ANKRD12: variants seen among roughly 807,000 people sequenced by gnomAD.
The protein encoded by ANKRD12 is ankyrin repeat domain-containing protein 12.
Under a neutral mutation model 183.4 loss-of-function variants are expected in ANKRD12, and 85 were observed. The observed-to-expected ratio is 0.46, with a 90% CI of 0.39 to 0.56. ANKRD12 has a LOEUF of 0.56. Ranked by LOEUF, ANKRD12 falls within the 20% of genes least tolerant of loss-of-function variation. The pLI, the probability that ANKRD12 is intolerant of heterozygous loss-of-function variation, is 0.00. For synonymous variants in ANKRD12, 914 were observed against 800.2 expected, an observed-to-expected ratio of 1.14 and a Z score of -2.40; for missense variants, 2,405 against 2,357.1, an observed-to-expected ratio of 1.02 and a Z score of -0.42.
intron 3 of ANKRD12, among the ~76,000 whole-genome samples, chr18:9,204,040 G>A (rs1027256327): frequency 6.6e-6 from 1 of 152,250 alleles, no homozygotes; most frequent in African/African-American, 2.4e-5. Flanking sequence ...CTGTGGTGTA[G>A]GATGATGTTG....
intron 5 of ANKRD12, 116 bp downstream of exon 5, chr18:9,208,919 CAG>C: frequency 9.6e-7 from 1 of 1,042,308 alleles, no homozygotes; most frequent in East Asian, 2.7e-5. Flanking sequence ...TGGATTTAAT[CAG>C]AATTACTTGT....
Position 9,255,197 on chromosome 18 carries a change from G to A in ANKRD12, c.1930G>A (p.Asp644Asn). 3 of 1,577,828 alleles carry A rather than the reference G, an allele frequency of 1.9e-6. No homozygotes were observed. Among genetic ancestry groups the A allele is most frequent in the Non-Finnish European group, 2.6e-6 (3 of 1,167,794 alleles). ...ENSDCTLKKM[D>N]KEGKTLKKHK... ...TTCAGATTGCACACTGAAAAAAATG[G>A]ATAAAGAAGGTAAAACATTAAAAAA... Residue 644 changes from aspartate (D) to asparagine (N), a missense_variant, in exon 9 of 13, where the codon GAT becomes AAT. Physicochemically the swap from Asp to Asn is conservative, Grantham distance 23. Coordinates refer to ENST00000262126, the MANE Select transcript of ANKRD12 (RefSeq NM_015208.5).
intron 1 of ANKRD12, among the ~76,000 whole-genome samples, chr18:9,175,217 C>T (rs1193905793): frequency 6.6e-6 from 1 of 152,108 alleles, no homozygotes; most frequent in African/African-American, 2.4e-5. Context: ...AATAGACTTT[C>T]TGTAGTTGGA....
chr18:9,231,030 G>A (rs1399658773), intron 8 of ANKRD12, among the ~76,000 whole-genome samples: 1 of 152,046 alleles, frequency 6.6e-6, no homozygotes, highest in African/African-American at 2.4e-5. Context: ...TGATCTAGTG[G>A]TCGTTCATGA....
intron 8 of ANKRD12, among the ~76,000 whole-genome samples, chr18:9,251,301 C>T (rs543784796): frequency 6.6e-5 from 10 of 152,130 alleles, no homozygotes; most frequent in Non-Finnish European, 1.5e-4. Context: ...GGATACCATA[C>T]AAGAAAAGAT....
At chr18:9,242,001 A>C (rs930259455) in intron 8 of ANKRD12, among the ~76,000 whole-genome samples, 17 of 151,988 alleles carry the variant, frequency 1.1e-4, no homozygotes, top group Admixed American at 9.2e-4. Context: ...CACTTTTAGC[A>C]GTGTCTATAA....
In ANKRD12 at chr18:9,258,668, T is replaced by G. The variant is rs2038787768; in HGVS notation, c.5401T>G (p.Ser1801Ala). ...RVPQPVQVSP[S>A]LLQAKEKTQQ... ...ACCTCAGCCTGTGCAAGTGAGTCCCTCTTTACTACAAGCAAAAGAGAAAAC... is the reference window on the plus strand; with the variant it reads ...ACCTCAGCCTGTGCAAGTGAGTCCCGCTTTACTACAAGCAAAAGAGAAAAC... The change falls in exon 9 of 13, where the codon TCT becomes GCT. Residue 1801 changes from serine to alanine, a missense_variant. Coordinates refer to ENST00000262126, the MANE Select transcript of ANKRD12 (RefSeq NM_015208.5). 6.2e-7 allele frequency: 1 copy of G among 1,613,822 alleles called. No individual in the cohort carries two copies. Among genetic ancestry groups the G allele is most frequent in the Non-Finnish European group, 8.5e-7 (1 of 1,179,908 alleles).
intron 11 of ANKRD12, among the ~76,000 whole-genome samples, chr18:9,276,289 GT>G (rs1240579434): frequency 1.3e-5 from 2 of 152,174 alleles, no homozygotes; most frequent in African/African-American, 2.4e-5. Flanking sequence ...AGGAAATGCT[GT>G]TCTAAAGGAA....
chr18:9,169,106 C>G lies in ANKRD12; in HGVS notation c.-51-13276C>G, dbSNP rs906115851. Among the ~76,000 whole-genome samples the G allele has an allele frequency of 2.6e-5, 4 of 152,054 alleles. 1 individual carries two copies. The highest frequency in any genetic ancestry group is 2.0e-4 in the Admixed American group (3 of 15,254). ...GAGACAGTTTGTTATAATTTCTGTT[C>G]TTTTACATTTGCTGAGGAGTGCTTT... is the stretch of plus-strand genomic sequence containing the variant. On this transcript the variant is annotated intron_variant, in intron 1 of 12. Transcript: ENST00000262126.
At chr18:9,276,727 A>C (rs2039857664) in intron 11 of ANKRD12, among the ~76,000 whole-genome samples, 1 of 151,052 alleles carries the variant, frequency 6.6e-6, no homozygotes, top group South Asian at 2.1e-4. Flanking sequence ...AAAAACAAAA[A>C]AAAAACTTTA....
chr18:9,259,539 C>G (rs995301777), intron 9 of ANKRD12: 1 of 152,092 alleles, frequency 6.6e-6, no homozygotes, highest in African/African-American at 2.4e-5. Context: ...TGATGTAATT[C>G]AAGTTTGACT....
At chr18:9,229,242 G>A (rs1401705978) in intron 8 of ANKRD12, among the ~76,000 whole-genome samples, 1 of 152,008 alleles carries the variant, frequency 6.6e-6, no homozygotes, top group Non-Finnish European at 1.5e-5. Context: ...CTCCAGCTTT[G>A]TTCTATTTGC....
At chr18:9,276,732 AC>A (rs1286240197) in intron 11 of ANKRD12, among the ~76,000 whole-genome samples, 1 of 151,904 alleles carries the variant, frequency 6.6e-6, no homozygotes, top group Non-Finnish European at 1.5e-5. Context: ...CAAAAAAAAA[AC>A]TTTAAGTCTC....
intron 8 of ANKRD12, among the ~76,000 whole-genome samples, chr18:9,252,562 A>G (rs1212281737): frequency 6.6e-6 from 1 of 152,228 alleles, no homozygotes; most frequent in African/African-American, 2.4e-5. Context: ...GAACCATTAG[A>G]AAAAAAGGCA....
chr18:9,229,281 T>C (rs2036906293), intron 8 of ANKRD12, among the ~76,000 whole-genome samples: 1 of 152,232 alleles, frequency 6.6e-6, no homozygotes, highest in African/African-American at 2.4e-5. Context: ...TTCAGGCTCT[T>C]TTTTGTTTCC....
intron 11 of ANKRD12, among the ~76,000 whole-genome samples, chr18:9,276,837 GAAAT>G (rs2039865153): frequency 2.0e-5 from 3 of 152,174 alleles, no homozygotes; most frequent in Admixed American, 2.0e-4. Context: ...TGTGACTAAA[GAAAT>G]AGGCACTGGA....
chr18:9,267,852 C>G (rs1439110527), intron 10 of ANKRD12, among the ~76,000 whole-genome samples: 1 of 151,886 alleles, frequency 6.6e-6, no homozygotes, highest in East Asian at 1.9e-4. Context: ...TTGAAAAGAT[C>G]AACAAAATTG....
intron 8 of ANKRD12, among the ~76,000 whole-genome samples, chr18:9,228,911 C>CTTT (rs35586900): frequency 6.8e-6 from 1 of 148,126 alleles, no homozygotes. Flanking sequence ...TTTCCATGTG[C>CTTT]TTTTTTTTTT....
At chr18:9,146,810 A>T (rs886909076) in intron 1 of ANKRD12, among the ~76,000 whole-genome samples, 1 of 152,212 alleles carries the variant, frequency 6.6e-6, no homozygotes, top group Non-Finnish European at 1.5e-5. Flanking sequence ...CCTGGAATAT[A>T]CAGTTGTTCT....
Sources: gnomAD v4.1 joint callset for allele counts (sites outside exome capture counted in the v4.1 genomes callset) on GRCh38, gnomAD v4.1.1 for gene constraint, MANE v1.5 for transcripts, NCBI Gene and HGNC (gene_info 2026-07-23, HGNC 2026-07-21) for gene names.